Variants in ACOX2 observed in about 807,000 individuals in gnomAD.
ACOX2 encodes acyl-CoA oxidase 2.
ACOX2 carries 59 observed loss-of-function variants against 77.5 expected under a neutral mutation model. The observed-to-expected ratio is 0.76, with a 90% confidence interval of 0.62 to 0.95. The LOEUF is 0.95. Among genes scored for constraint, ACOX2 ranks in the 40% least tolerant of loss-of-function variants. The pLI, the probability that ACOX2 is intolerant of heterozygous loss-of-function variation, is 0.00. For missense variants in ACOX2, 837 were observed against 880.4 expected, an observed-to-expected ratio of 0.95 and a Z score of 0.62; for synonymous variants, 317 against 340.1, an observed-to-expected ratio of 0.93 and a Z score of 0.75.
At chr3:58,508,859 C>G (rs984566222) in intron 14 of ACOX2, 34 bp downstream of exon 14, 2 of 1,609,578 alleles carry the variant, frequency 1.2e-6, no homozygotes, top group Non-Finnish European at 1.7e-6. Context: ...TCTCTGCTTT[C>G]TTACATAATT....
Position 58,508,431 on chromosome 3 carries a change from C to T in ACOX2, c.1983+462G>A, listed in dbSNP as rs555151299. 5.9e-5 allele frequency among the ~76,000 whole-genome samples: 9 copies of T among 152,298 alleles called. No homozygotes were observed. In the South Asian group the frequency reaches 1.9e-3, roughly 32 times the overall value. On this transcript the variant is annotated intron_variant, in intron 14 of 14. Coordinates refer to ENST00000302819, the MANE Select transcript of ACOX2 (RefSeq NM_003500.4). The stretch of plus-strand genomic sequence containing the variant: ...AGGAGAGGGTATCATCTCTAGCAGG[C>T]AATCAGGTCTAAGAGAGACATCCCT...
Position 58,533,903 on chromosome 3 carries a change from C to T in ACOX2, c.475+91G>A. The T allele has an allele frequency of 2.7e-6, 4 of 1,487,070 alleles. No homozygotes were observed. In the South Asian group the frequency reaches 4.9e-5, roughly 18 times the overall value. 92.1% of individuals were successfully genotyped at this position (1,487,070 alleles called of 1,614,324 possible). ...CTTATTAAACATATGTCCCTCGGAG[C>T]ATATGAACCTATGACTACCTAGATG... On this transcript the variant is annotated intron_variant, in intron 4 of 14. Transcript: ENST00000302819. The surrounding 1 kb of genome is among the most constrained non-coding windows in gnomAD (Gnocchi z 5.6).
chr3:58,534,513 A>G lies in ACOX2; in HGVS notation c.170T>C (p.Ile57Thr). The change falls in exon 3 of 15, where the codon ATC (isoleucine) becomes ACC (threonine). Residue 57 changes from isoleucine (I) to threonine (T), a missense_variant. Physicochemically the swap from Ile to Thr is moderately conservative, Grantham distance 89. Transcript: ENST00000302819. The surrounding 1 kb of genome is among the most constrained non-coding windows in gnomAD (Gnocchi z 4.8). ...ACAGCTAAACTCCGGGTAACTGTGG[A>G]TGATGCTCTCTGCAGAGGACAGAGA... ...TALRRKVESI[I>T]HSYPEFSCKD... is the part of the protein sequence containing the mutation. 1 of 1,614,218 alleles carries G rather than the reference A, an allele frequency of 6.2e-7. No homozygotes were observed. The highest frequency in any genetic ancestry group is 2.2e-5 in the East Asian group (1 of 44,892).
At chr3:58,532,012 C>CT (rs1057182666) in intron 5 of ACOX2, among the ~76,000 whole-genome samples, 200 bp from the exon 6 acceptor site, 4 of 151,148 alleles carry the variant, frequency 2.6e-5, no homozygotes, top group Admixed American at 2.0e-4. Context: ...AATGATCCAG[C>CT]TTTTTTTTTG....
chr3:58,521,894 C>T lies in ACOX2; in HGVS notation c.1632+602G>A, dbSNP rs2063360987. Among the ~76,000 whole-genome samples, 1 of 152,198 alleles carries T rather than the reference C, an allele frequency of 6.6e-6. No homozygotes were observed. Among genetic ancestry groups the T allele is most frequent in the African/African-American group, 2.4e-5 (1 of 41,442 alleles). On this transcript the variant is annotated intron_variant, in intron 12 of 14. Coordinates refer to ENST00000302819, the MANE Select transcript of ACOX2 (RefSeq NM_003500.4). The surrounding 1 kb of genome is among the most constrained non-coding windows in gnomAD (Gnocchi z 4.8). ...AACTTTTCTCTCCAAAGCTGCCACC[C>T]CACCCTTTAGCTGGCTAATTTCAGC...
At chr3:58,517,444 G>A in intron 12 of ACOX2, 21 bp from the exon 13 acceptor site, 1 of 1,608,496 alleles carries the variant, frequency 6.2e-7, no homozygotes, top group Non-Finnish European at 8.5e-7. Context: ...ACAAAGATAT[G>A]TTCTCCTGAT....
rs2063306550 is a variant in ACOX2, at chr3:58,514,214, G to T, written c.1850+2992C>A. 6.6e-6 allele frequency among the ~76,000 whole-genome samples: 1 copy of T among 152,162 alleles called. No individual in the cohort carries two copies. Among genetic ancestry groups the T allele is most frequent in the South Asian group, 2.1e-4 (1 of 4,838 alleles). ...CCAGCACTTTGGGAGGCTAAGGTAGGAGGATCCCTTGAGCCCAGGAGTTCA... is the reference window on the plus strand; with the variant it reads ...CCAGCACTTTGGGAGGCTAAGGTAGTAGGATCCCTTGAGCCCAGGAGTTCA... On this transcript the variant is annotated intron_variant, in intron 13 of 14. Coordinates refer to ENST00000302819, the MANE Select transcript of ACOX2 (RefSeq NM_003500.4). This position sits in a 1 kb window ranked among gnomAD's most constrained non-coding sequence, Gnocchi z 4.3.
Position 58,512,678 on chromosome 3 carries a change from C to T in ACOX2, c.1851-3653G>A, listed in dbSNP as rs988360053. On this transcript the variant is annotated intron_variant, in intron 13 of 14. Coordinates refer to ENST00000302819, the MANE Select transcript of ACOX2 (RefSeq NM_003500.4). This position sits in a 1 kb window ranked among gnomAD's most constrained non-coding sequence, Gnocchi z 4.8. ...TCTCTGGATGGATATGCCAAGCACACTCTGGTCTCCAACATTTGTACTGTC... is the reference window on the plus strand; with the variant it reads ...TCTCTGGATGGATATGCCAAGCACATTCTGGTCTCCAACATTTGTACTGTC... 4.6e-5 allele frequency among the ~76,000 whole-genome samples: 7 copies of T among 152,202 alleles called. No homozygotes were observed. Among genetic ancestry groups the T allele is most frequent in the Non-Finnish European group, 8.8e-5 (6 of 68,040 alleles).
At chr3:58,506,398 C>G (rs2063234335) in intron 14 of ACOX2, among the ~76,000 whole-genome samples, 1 of 152,178 alleles carries the variant, frequency 6.6e-6, no homozygotes, top group Non-Finnish European at 1.5e-5. Context: ...AGATGTTTAC[C>G]TTAGCATAGC....
In ACOX2 at chr3:58,526,712, C is replaced by A; in HGVS notation, c.1156-56G>T. ...GTTAGGGGGCCTCCACCATAGGGAC[C>A]AACCCTGTGCACCACTTACTGAGCA... On this transcript the variant is annotated intron_variant, in intron 9 of 14. Transcript: ENST00000302819. This position sits in a 1 kb window ranked among gnomAD's most constrained non-coding sequence, Gnocchi z 4.3. 1 of 1,557,140 alleles carries A rather than the reference C, an allele frequency of 6.4e-7. No homozygotes were observed. The highest frequency in any genetic ancestry group is 1.2e-5 in the South Asian group (1 of 84,340).
At position 58,533,175 on chromosome 3, in the gene ACOX2, A is replaced by C. The variant is rs1210824703; in HGVS notation, c.583+270T>G. Among the ~76,000 whole-genome samples the C allele has an allele frequency of 6.6e-6, 1 of 152,064 alleles. No individual in the cohort carries two copies. The highest frequency in any genetic ancestry group is 2.4e-5 in the African/African-American group (1 of 41,386). On this transcript the variant is annotated intron_variant, in intron 5 of 14. Transcript: ENST00000302819. This position sits in a 1 kb window ranked among gnomAD's most constrained non-coding sequence, Gnocchi z 5.6. ...GTGTTTGTGCGTGTGTGTGTGAGTG[A>C]GGCCTTGTCTCTCATGGATCGATTG...
rs967060537 is a variant in ACOX2 at position 58,521,698 on chromosome 3, A to G, written c.1632+798T>C. On this transcript the variant is annotated intron_variant, in intron 12 of 14. Coordinates refer to ENST00000302819, the MANE Select transcript of ACOX2 (RefSeq NM_003500.4). This position sits in a 1 kb window ranked among gnomAD's most constrained non-coding sequence, Gnocchi z 4.8. Reference sequence around the variant, plus strand: ...GCAAAGGCATTGCAATGAAAACAAAACCCCAACTTTTCACAGTGGTGCAAA... The same window carrying G: ...GCAAAGGCATTGCAATGAAAACAAAGCCCCAACTTTTCACAGTGGTGCAAA... Among the ~76,000 whole-genome samples the G allele has an allele frequency of 4.6e-5, 7 of 152,088 alleles. No individual in the cohort carries two copies. Among genetic ancestry groups the G allele is most frequent in the Non-Finnish European group, 1.0e-4 (7 of 68,028 alleles).
Position 58,526,771 on chromosome 3 carries a change from A to C in ACOX2, c.1156-115T>G. ...TGCCCAGCTCAGCTCTGAGGTAAGA[A>C]GTGTTTCCTCTGCTCACAACTTTAT... On this transcript the variant is annotated intron_variant, in intron 9 of 14. Transcript: ENST00000302819. The surrounding 1 kb of genome is among the most constrained non-coding windows in gnomAD (Gnocchi z 4.3). The C allele has an allele frequency of 8.7e-7, 1 of 1,155,652 alleles. No individual in the cohort carries two copies. The highest frequency in any genetic ancestry group is 1.5e-5 in the South Asian group (1 of 64,726). The allele number at this position is 1,155,652 out of a possible 1,614,324, so 71.6% of individuals were successfully genotyped here. A position where few individuals can be genotyped will look rare whatever the true frequency, so the allele number is the denominator to read the frequency against.
Position 58,534,627 on chromosome 3 carries a change from A to T in ACOX2, c.161-105T>A, listed in dbSNP as rs757304125. On this transcript the variant is annotated intron_variant, in intron 2 of 14. Coordinates refer to ENST00000302819, the MANE Select transcript of ACOX2 (RefSeq NM_003500.4). The surrounding 1 kb of genome is among the most constrained non-coding windows in gnomAD (Gnocchi z 4.8). The stretch of plus-strand genomic sequence containing the variant: ...CATGGATCTGGAAAGGAAGTCAGAC[A>T]TTATTGTTATTTTACAGATGACAAA... 2.5e-6 allele frequency: 4 copies of T among 1,589,352 alleles called. 1 individual carries two copies. The South Asian group carries it at 4.5e-5, about 18-fold the overall frequency.
chr3:58,509,556 G>T (rs116514545), intron 13 of ACOX2, among the ~76,000 whole-genome samples: 1 of 150,018 alleles, frequency 6.7e-6, no homozygotes, highest in Non-Finnish European at 1.5e-5. Context: ...AATAAATAAC[G>T]AGCATATACC....
Position 58,523,170 on chromosome 3 carries a change from C to A in ACOX2, c.1527-569G>T, listed in dbSNP as rs2063371732. On this transcript the variant is annotated intron_variant, in intron 11 of 14. Transcript: ENST00000302819. This position sits in a 1 kb window ranked among gnomAD's most constrained non-coding sequence, Gnocchi z 5.3. ...TCCCCTCTTATTTTCTATTCCCTGC[C>A]CATCCATCCATGACCCTTAGAATTT... Among the ~76,000 whole-genome samples, 1 of 152,194 alleles carries A rather than the reference C, an allele frequency of 6.6e-6. No homozygotes were observed. The highest frequency in any genetic ancestry group is 2.4e-5 in the African/African-American group (1 of 41,442).
At chr3:58,511,371 C>A (rs149158239) in intron 13 of ACOX2, 1 of 334,444 alleles carries the variant, frequency 3.0e-6, no homozygotes, top group Non-Finnish European at 5.9e-6. Flanking sequence ...CTACTCTGGA[C>A]GCAAAGCCAT....
At position 58,523,099 on chromosome 3, in the gene ACOX2, A is replaced by G. The variant is rs1174026521; in HGVS notation, c.1527-498T>C. 1 of 155,216 alleles carries G rather than the reference A, an allele frequency of 6.4e-6. No individual in the cohort carries two copies. Among genetic ancestry groups the G allele is most frequent in the Non-Finnish European group, 1.4e-5 (1 of 69,758 alleles). 9.6% of individuals were successfully genotyped at this position (155,216 alleles called of 1,614,324 possible). On this transcript the variant is annotated intron_variant, in intron 11 of 14. Coordinates refer to ENST00000302819, the MANE Select transcript of ACOX2 (RefSeq NM_003500.4). This position sits in a 1 kb window ranked among gnomAD's most constrained non-coding sequence, Gnocchi z 5.3. ...ACCTAAAAACAAAAAGAGAAAACCAACCTTTGTCCTGCAAACCACTAAATT... is the reference window on the plus strand; with the variant it reads ...ACCTAAAAACAAAAAGAGAAAACCAGCCTTTGTCCTGCAAACCACTAAATT...
At chr3:58,518,714 C>T (rs975480890) in intron 12 of ACOX2, among the ~76,000 whole-genome samples, 1 of 152,094 alleles carries the variant, frequency 6.6e-6, no homozygotes, top group African/African-American at 2.4e-5. Context: ...TTGCTGCAAC[C>T]TCTGTCCCAC....
Sources: gnomAD v4.1 joint callset for allele counts (sites outside exome capture counted in the v4.1 genomes callset) on GRCh38, gnomAD v4.1.1 for gene constraint, Gnocchi (gnomAD v3.1) non-coding constraint, MANE v1.5 for transcripts, NCBI Gene and HGNC (gene_info 2026-07-23, HGNC 2026-07-21) for gene names.